NUP62CL: variants seen among roughly 807,000 people sequenced by gnomAD.
NUP62CL encodes the protein nucleoporin 62 C-terminal like, also known as nucleoporin-62 C-terminal-like protein.
Under a neutral mutation model 15.3 loss-of-function variants are expected in NUP62CL, and 13 were observed. That is an observed-to-expected ratio of 0.85 (90% CI 0.55 to 1.35). The LOEUF (loss-of-function observed/expected upper bound fraction) is 1.35. Ranked by LOEUF, NUP62CL falls within the 40% of genes most tolerant of loss-of-function variation. The pLI is 0.00. For missense variants in NUP62CL, 123 were observed against 130.6 expected, an observed-to-expected ratio of 0.94 and a Z score of 0.28; for synonymous variants, 54 against 49.2, an observed-to-expected ratio of 1.10 and a Z score of -0.41.
chrX:107,156,447 T>C (rs1926194084), intron 4 of NUP62CL, among the ~76,000 whole-genome samples: 1 of 106,483 alleles, frequency 9.4e-6, no homozygotes, highest in African/African-American at 3.4e-5. Flanking sequence ...ACAGGCAGAC[T>C]GCCTCCTCAA....
chrX:107,154,397 A>G (rs778632565), intron 4 of NUP62CL, 151 bp from the exon 5 acceptor site: 2 of 333,661 alleles, frequency 6.0e-6, no homozygotes, highest in East Asian at 9.5e-5. Context: ...CATAACTGGT[A>G]AAGATGATTA....
At chrX:107,133,293 T>C (rs752266503) in intron 8 of NUP62CL, among the ~76,000 whole-genome samples, 6 of 111,211 alleles carry the variant, frequency 5.4e-5, no homozygotes, top group Non-Finnish European at 1.1e-4. Context: ...ATTTGATTAC[T>C]CTGGGCCCAC....
At chrX:107,129,034 T>C (rs144199896) in intron 8 of NUP62CL, among the ~76,000 whole-genome samples, 98 of 111,536 alleles carry the variant, frequency 8.8e-4, no homozygotes, top group African/African-American at 3.1e-3. Flanking sequence ...CAGTTAGAGA[T>C]TAAGCACATG....
intron 4 of NUP62CL, among the ~76,000 whole-genome samples, chrX:107,162,274 C>T (rs776161420): frequency 4.6e-5 from 5 of 109,249 alleles, no homozygotes; most frequent in Non-Finnish European, 9.5e-5. Context: ...ATAATAAGAG[C>T]TCCAGAAAGA....
intron 8 of NUP62CL, among the ~76,000 whole-genome samples, chrX:107,140,361 G>A (rs1350435337): frequency 9.0e-6 from 1 of 111,381 alleles, no homozygotes; most frequent in Non-Finnish European, 1.9e-5. Flanking sequence ...CTTTGTATCT[G>A]TTCAAGGCAG....
At chrX:107,179,619 C>T (rs956046584) in intron 2 of NUP62CL, among the ~76,000 whole-genome samples, 2 of 112,144 alleles carry the variant, frequency 1.8e-5, no homozygotes, top group Non-Finnish European at 3.8e-5. Context: ...GTCCAATCAA[C>T]CACTTATGGA....
intron 4 of NUP62CL, among the ~76,000 whole-genome samples, chrX:107,167,244 G>A (rs918149328): frequency 9.0e-6 from 1 of 111,584 alleles, no homozygotes; most frequent in African/African-American, 3.3e-5. Flanking sequence ...ACAAGTATGC[G>A]ACTATGAGCA....
At chrX:107,144,382 G>A (rs770304727) in intron 8 of NUP62CL, among the ~76,000 whole-genome samples, 1 of 111,775 alleles carries the variant, frequency 8.9e-6, no homozygotes, top group Non-Finnish European at 1.9e-5. Context: ...TTAATTAGCT[G>A]TGTGTTCTTA....
chrX:107,138,536 T>C (rs1441982594), intron 8 of NUP62CL, among the ~76,000 whole-genome samples: 1 of 112,204 alleles, frequency 8.9e-6, no homozygotes, highest in African/African-American at 3.2e-5. Context: ...AAGTTTATAC[T>C]GATGGGAAGT....
At chrX:107,187,584 G>T (rs1429955028) in intron 2 of NUP62CL, among the ~76,000 whole-genome samples, 1 of 111,595 alleles carries the variant, frequency 9.0e-6, no homozygotes, top group Non-Finnish European at 1.9e-5. Context: ...TTTTAGTAGA[G>T]ACGATGTTTT....
intron 4 of NUP62CL, among the ~76,000 whole-genome samples, chrX:107,159,577 A>G (rs1417006527): frequency 1.5e-5 from 1 of 66,334 alleles, no homozygotes; most frequent in African/African-American, 6.4e-5. Flanking sequence ...ACAAAATTCA[A>G]CAACCCTTCA....
intron 8 of NUP62CL, among the ~76,000 whole-genome samples, chrX:107,141,231 A>T (rs1925759803): frequency 8.9e-6 from 1 of 112,330 alleles, no homozygotes; most frequent in Non-Finnish European, 1.9e-5. Flanking sequence ...GCAGCTGAAT[A>T]CTTGCTCAAT....
intron 4 of NUP62CL, among the ~76,000 whole-genome samples, chrX:107,155,448 G>T (rs1926153878): frequency 8.9e-6 from 1 of 112,178 alleles, no homozygotes; most frequent in African/African-American, 3.2e-5. Context: ...GCTGGGAGCT[G>T]AGCTTACATC....
At chrX:107,134,540 G>C (rs888173710) in intron 8 of NUP62CL, among the ~76,000 whole-genome samples, 1 of 111,446 alleles carries the variant, frequency 9.0e-6, no homozygotes, top group Non-Finnish European at 1.9e-5. Context: ...TGCAACCTCC[G>C]CCTCCTGGGC....
At chrX:107,169,181 G>A (rs1926587468) in intron 3 of NUP62CL, among the ~76,000 whole-genome samples, 1 of 111,590 alleles carries the variant, frequency 9.0e-6, no homozygotes, top group Non-Finnish European at 1.9e-5. Flanking sequence ...TCCAACTATA[G>A]GCAAAAAGAC....
intron 1 of NUP62CL, among the ~76,000 whole-genome samples, chrX:107,205,937 C>T (rs752352345): frequency 6.7e-4 from 74 of 110,326 alleles, no homozygotes; most frequent in African/African-American, 2.4e-3. Flanking sequence ...ACCAGGTGCT[C>T]CCCCGGGGAC....
At chrX:107,125,105 C>A (rs1311859180) in intron 8 of NUP62CL, among the ~76,000 whole-genome samples, 1 of 111,744 alleles carries the variant, frequency 8.9e-6, no homozygotes, top group African/African-American at 3.2e-5. Flanking sequence ...GACAAGACCA[C>A]CCTCTCCTCT....
chrX:107,204,861 TTAAA>T (rs1163415728), intron 1 of NUP62CL, among the ~76,000 whole-genome samples: 2 of 80,120 alleles, frequency 2.5e-5, no homozygotes, highest in Middle Eastern at 5.9e-3. Flanking sequence ...TAAATAAATT[TTAAA>T]TAAATTATTT....
intron 3 of NUP62CL, among the ~76,000 whole-genome samples, chrX:107,170,444 G>A (rs1293708701): frequency 1.7e-4 from 17 of 98,879 alleles, no homozygotes; most frequent in African/African-American, 5.4e-4. Flanking sequence ...ATGGAGTCTC[G>A]CTCTGTCACC....
Sources: gnomAD v4.1 joint callset for allele counts (sites outside exome capture counted in the v4.1 genomes callset) on GRCh38, gnomAD v4.1.1 for gene constraint, MANE v1.5 for transcripts, NCBI Gene and HGNC (gene_info 2026-07-23, HGNC 2026-07-21) for gene names.